The following CNTNAP2 variants were observed in gnomAD, a reference collection of about 807,000 sequenced individuals.
CNTNAP2 encodes the protein contactin associated protein 2.
Under a neutral mutation model 155.2 loss-of-function variants are expected in CNTNAP2, and 98 were observed. That is an observed-to-expected ratio of 0.63 (90% CI 0.54 to 0.75). CNTNAP2 has a LOEUF of 0.75. CNTNAP2 is among the 30% of genes least tolerant of loss of function. The pLI, the probability that CNTNAP2 is intolerant of heterozygous loss-of-function variation, is 0.00. For missense variants in CNTNAP2, 1,727 were observed against 1,688.1 expected (o/e 1.02, Z -0.40); for synonymous variants, 651 against 631.2 (o/e 1.03, Z -0.47).
At chr7:147,905,031 A>G (rs1198146893) in intron 14 of CNTNAP2, among the ~76,000 whole-genome samples, 1 of 152,188 alleles carries the variant, frequency 6.6e-6, no homozygotes, top group Non-Finnish European at 1.5e-5. Context: ...TGAATCATCC[A>G]ATCAGTCATT....
intron 10 of CNTNAP2, among the ~76,000 whole-genome samples, chr7:147,479,764 G>A (rs1239204811): frequency 1.3e-5 from 2 of 151,826 alleles, no homozygotes; most frequent in South Asian, 4.2e-4. Context: ...TGGGCATAAT[G>A]TCAGAGGTAC....
chr7:148,271,829 G>T (rs909986560), intron 21 of CNTNAP2, among the ~76,000 whole-genome samples: 1 of 152,138 alleles, frequency 6.6e-6, no homozygotes, highest in Non-Finnish European at 1.5e-5. Flanking sequence ...CCCCAGTTGT[G>T]TAAAAATCCA....
chr7:146,543,819 TTAAC>T (rs1797989435), intron 1 of CNTNAP2, among the ~76,000 whole-genome samples: 1 of 151,932 alleles, frequency 6.6e-6, no homozygotes, highest in African/African-American at 2.4e-5. Context: ...GATGAACTAC[TTAAC>T]TAAACTTTCC....
At chr7:147,832,287 GTA>G (rs1208011796) in intron 13 of CNTNAP2, among the ~76,000 whole-genome samples, 4 of 141,656 alleles carry the variant, frequency 2.8e-5, no homozygotes, top group South Asian at 2.2e-4. Flanking sequence ...TAATTTAATT[GTA>G]TGTTTTTATA....
chr7:147,009,687 A>G (rs1258389261), intron 3 of CNTNAP2, among the ~76,000 whole-genome samples: 1 of 152,184 alleles, frequency 6.6e-6, no homozygotes, highest in Admixed American at 6.5e-5. Flanking sequence ...AACATCTAGT[A>G]GAATATTTAT....
intron 9 of CNTNAP2, among the ~76,000 whole-genome samples, chr7:147,372,733 TA>T (rs796725915): frequency 1.3e-5 from 2 of 151,386 alleles, no homozygotes; most frequent in Non-Finnish European, 2.9e-5. Context: ...AATACTTTTT[TA>T]AAAAAAAATG....
chr7:147,520,650 A>G (rs1390589226), intron 11 of CNTNAP2, among the ~76,000 whole-genome samples: 1 of 152,210 alleles, frequency 6.6e-6, no homozygotes, highest in Non-Finnish European at 1.5e-5. Context: ...TCCTAAGAGA[A>G]GATGACATAG....
At chr7:148,393,038 TC>T (rs1251517227) in intron 22 of CNTNAP2, among the ~76,000 whole-genome samples, 1 of 152,216 alleles carries the variant, frequency 6.6e-6, no homozygotes, top group East Asian at 1.9e-4. Context: ...ATTCCAAGTT[TC>T]CTTTCTATCA....
At chr7:146,712,131 T>A (rs1399282005) in intron 1 of CNTNAP2, among the ~76,000 whole-genome samples, 8 of 121,824 alleles carry the variant, frequency 6.6e-5, no homozygotes, top group Admixed American at 3.2e-4. Flanking sequence ...TGTATACATA[T>A]CTTATGTATA....
intron 1 of CNTNAP2, among the ~76,000 whole-genome samples, chr7:146,558,549 CAA>C (rs987318527): frequency 7.6e-4 from 115 of 152,186 alleles, no homozygotes; most frequent in African/African-American, 2.7e-3. Context: ...CCATCAACTT[CAA>C]AAGTTTCCTT....
chr7:148,129,332 T>C (rs977526948), intron 16 of CNTNAP2, among the ~76,000 whole-genome samples: 2 of 152,218 alleles, frequency 1.3e-5, no homozygotes, highest in African/African-American at 4.8e-5. Context: ...TCCTGATTTC[T>C]TTCATGCGAT....
intron 13 of CNTNAP2, among the ~76,000 whole-genome samples, chr7:147,673,364 T>A (rs1306669283): frequency 6.6e-6 from 1 of 152,192 alleles, no homozygotes; most frequent in Non-Finnish European, 1.5e-5. Flanking sequence ...CATACATTAT[T>A]TTATTTCATC....
chr7:147,104,145 C>G (rs1800708627), intron 4 of CNTNAP2, among the ~76,000 whole-genome samples: 1 of 152,034 alleles, frequency 6.6e-6, no homozygotes, highest in African/African-American at 2.4e-5. Context: ...TTAGAGGAAG[C>G]TGGGTGAAAC....
chr7:147,710,219 A>G (rs1397479523), intron 13 of CNTNAP2, among the ~76,000 whole-genome samples: 1 of 152,166 alleles, frequency 6.6e-6, no homozygotes, highest in East Asian at 1.9e-4. Context: ...CATAATGTTG[A>G]TGGAGAAATA....
At chr7:146,832,054 C>T (rs1208435820) in intron 2 of CNTNAP2, among the ~76,000 whole-genome samples, 1 of 152,188 alleles carries the variant, frequency 6.6e-6, no homozygotes, top group African/African-American at 2.4e-5. Flanking sequence ...CTACTCTAAT[C>T]AACAAATATC....
intron 3 of CNTNAP2, among the ~76,000 whole-genome samples, chr7:147,031,287 T>G (rs527395532): frequency 6.6e-6 from 1 of 152,298 alleles, no homozygotes; most frequent in African/African-American, 2.4e-5. Context: ...TTAAAATAGA[T>G]TTCTGATGCT....
intron 3 of CNTNAP2, among the ~76,000 whole-genome samples, chr7:146,954,035 G>A (rs191026719): frequency 4.8e-4 from 73 of 151,974 alleles, no homozygotes; most frequent in African/African-American, 1.7e-3. Context: ...TGGGTTATAA[G>A]ATTTTCAGAT....
chr7:147,755,559 A>G (rs1475219284), intron 13 of CNTNAP2, among the ~76,000 whole-genome samples: 1 of 152,226 alleles, frequency 6.6e-6, no homozygotes, highest in East Asian at 1.9e-4. Flanking sequence ...AGGCAGAGGC[A>G]GGAGAATTGC....
At chr7:147,162,650 T>C (rs1218465243) in intron 8 of CNTNAP2, among the ~76,000 whole-genome samples, 1 of 152,196 alleles carries the variant, frequency 6.6e-6, no homozygotes, top group Non-Finnish European at 1.5e-5. Context: ...CATGTTAGGT[T>C]TGGGAGCTGT....
Sources: allele counts gnomAD v4.1 joint callset (sites outside exome capture counted in the v4.1 genomes callset), GRCh38; gene constraint gnomAD v4.1.1; transcripts MANE v1.5; gene names NCBI Gene and HGNC (gene_info 2026-07-23, HGNC 2026-07-21).